Variants in ACCSL observed in about 807,000 individuals in gnomAD.
ACCSL encodes 1-aminocyclopropane-1-carboxylate synthase homolog (inactive) like.
A neutral mutation model predicts 61.7 loss-of-function variants in ACCSL; 55 were observed. The ratio of observed to expected loss-of-function variants is 0.89; its 90% CI spans 0.72 to 1.12. The LOEUF is 1.12. Among genes scored for constraint, ACCSL ranks in the 50% most tolerant of loss-of-function variants. ACCSL has a pLI of 0.00. For synonymous variants in ACCSL, 258 were observed against 264.3 expected (o/e 0.98, Z 0.23); for missense variants, 632 against 698.0 (o/e 0.91, Z 1.07).
chr11:44,034,562 A>C, the ACCSL span, among the ~76,000 whole-genome samples: 1 of 4,048 alleles, frequency 2.5e-4, no homozygotes, highest in Non-Finnish European at 4.9e-4. Context: ...GGCAAGCAAG[A>C]GAGAGAGAGA....
the ACCSL span, among the ~76,000 whole-genome samples, chr11:43,932,636 C>T: frequency 1.4e-3 from 212 of 152,258 alleles, 2 homozygotes; most frequent in East Asian, 0.035. Flanking sequence ...ATGCTGTTTG[C>T]GTGCCCTCAT....
chr11:44,058,790 A>C, intron 13 of ACCSL, 91 bp downstream of exon 13: 2 of 1,432,150 alleles, frequency 1.4e-6, no homozygotes, highest in Non-Finnish European at 1.9e-6. Context: ...CATCCTATAG[A>C]TCTAGCCCTT....
chr11:43,979,880 A>AT, the ACCSL span, among the ~76,000 whole-genome samples: 2 of 151,330 alleles, frequency 1.3e-5, no homozygotes, highest in Non-Finnish European at 1.5e-5. Flanking sequence ...AGAAAAAAAA[A>AT]TTGGCAACAT....
chr11:43,971,832 C>T, the ACCSL span, among the ~76,000 whole-genome samples: 1 of 152,218 alleles, frequency 6.6e-6, no homozygotes, highest in South Asian at 2.1e-4. Flanking sequence ...ATCGTGCTGC[C>T]TCTACTCTCC....
chr11:44,030,690 A>G, the ACCSL span, among the ~76,000 whole-genome samples: 2 of 152,076 alleles, frequency 1.3e-5, no homozygotes, highest in African/African-American at 4.8e-5. Context: ...TGAATCAGAC[A>G]TGGACATCAA....
Position 44,048,479 on chromosome 11 carries a change from C to T in ACCSL, c.443C>T (p.Ser148Leu), listed in dbSNP as rs759197314. Residue 148 changes from serine (S) to leucine (L), a missense_variant, in exon 1 of 14, where the codon TCG becomes TTG. Transcript: ENST00000378832. Reference protein sequence around the residue: ...RGIDISVFYQSSFQDYNAYQK... With the variant: ...RGIDISVFYQLSFQDYNAYQK... ...ATTGACATCTCTGTCTTTTATCAGT[C>T]GAGCTTCCAGGACTACAATGCCTAC... 2.1e-5 allele frequency: 34 copies of T among 1,609,498 alleles called. No homozygotes were observed. The highest frequency in any genetic ancestry group is 1.2e-4 in the African/African-American group (9 of 73,318).
At chr11:43,985,986 C>T in the ACCSL span, among the ~76,000 whole-genome samples, 6 of 151,336 alleles carry the variant, frequency 4.0e-5, no homozygotes, top group Non-Finnish European at 2.9e-5. Flanking sequence ...AATAAACAAA[C>T]AAACAAATAA....
the ACCSL span, among the ~76,000 whole-genome samples, chr11:43,965,634 C>T: frequency 6.6e-6 from 1 of 152,074 alleles, no homozygotes; most frequent in African/African-American, 2.4e-5. Flanking sequence ...TGTAGAATTG[C>T]AAGGCACCCT....
At chr11:43,987,880 G>A in the ACCSL span, among the ~76,000 whole-genome samples, 1 of 152,172 alleles carries the variant, frequency 6.6e-6, no homozygotes, top group Non-Finnish European at 1.5e-5. Flanking sequence ...CGTTTGGCAG[G>A]CAGAGAAGAT....
chr11:44,014,384 G>A, the ACCSL span, among the ~76,000 whole-genome samples: 1 of 152,108 alleles, frequency 6.6e-6, no homozygotes, highest in Non-Finnish European at 1.5e-5. Flanking sequence ...GTCAGCCAGA[G>A]ACCTCAGTCC....
the ACCSL span, among the ~76,000 whole-genome samples, chr11:44,006,826 C>A: frequency 6.6e-6 from 1 of 152,054 alleles, no homozygotes; most frequent in African/African-American, 2.4e-5. Flanking sequence ...CTTAAAGGGA[C>A]AATCTGTGGA....
the ACCSL span, among the ~76,000 whole-genome samples, chr11:43,946,885 C>A: frequency 6.6e-6 from 1 of 152,110 alleles, no homozygotes; most frequent in African/African-American, 2.4e-5. Flanking sequence ...AAAGCCATGG[C>A]CCATGGGCTA....
chr11:43,944,446 G>C, the ACCSL span: 1 of 153,892 alleles, frequency 6.5e-6, no homozygotes, highest in Admixed American at 6.4e-5. Context: ...TGGCGCTCCT[G>C]CGCTGCGGGG....
chr11:44,023,260 C>T, the ACCSL span, among the ~76,000 whole-genome samples: 1 of 151,940 alleles, frequency 6.6e-6, no homozygotes. Context: ...GCCATGTTGC[C>T]TAGGCTTGTC....
At chr11:43,970,541 A>C in the ACCSL span, among the ~76,000 whole-genome samples, 31 of 152,314 alleles carry the variant, frequency 2.0e-4, no homozygotes, top group Admixed American at 3.3e-4. Context: ...CTCATTCCTC[A>C]TCAAACTTCT....
At chr11:43,948,288 C>A in the ACCSL span, among the ~76,000 whole-genome samples, 3 of 152,154 alleles carry the variant, frequency 2.0e-5, no homozygotes, top group African/African-American at 7.2e-5. Context: ...GCCCTTTGGC[C>A]TCTGGAAAAA....
At chr11:43,945,912 G>T in the ACCSL span, among the ~76,000 whole-genome samples, 29 of 152,246 alleles carry the variant, frequency 1.9e-4, no homozygotes, top group Non-Finnish European at 3.8e-4. Context: ...TACCTGAAGG[G>T]TCTCCTTGGG....
chr11:44,040,658 A>G, the ACCSL span, among the ~76,000 whole-genome samples: 1 of 152,184 alleles, frequency 6.6e-6, no homozygotes, highest in Non-Finnish European at 1.5e-5. Context: ...AGGCCAGAGA[A>G]AAGAAGAGTG....
chr11:43,970,620 T>C, the ACCSL span, among the ~76,000 whole-genome samples: 1 of 152,206 alleles, frequency 6.6e-6, no homozygotes, highest in African/African-American at 2.4e-5. Context: ...TGCCAATCTG[T>C]GAATTTTTTA....
Sources: allele counts gnomAD v4.1 joint callset (sites outside exome capture counted in the v4.1 genomes callset), GRCh38; gene constraint gnomAD v4.1.1; transcripts MANE v1.5; gene names NCBI Gene and HGNC (gene_info 2026-07-23, HGNC 2026-07-21).